PDIA3: variants seen among roughly 807,000 people sequenced by gnomAD.
PDIA3 encodes protein disulfide isomerase family A member 3.
In PDIA3, 16 loss-of-function variants were observed where a neutral mutation model predicts 56.9. The ratio of observed to expected loss-of-function variants is 0.28; its 90% confidence interval spans 0.19 to 0.43. The LOEUF (loss-of-function observed/expected upper bound fraction) is 0.43. Ranked by LOEUF, PDIA3 falls within the 20% of genes least tolerant of loss-of-function variation. PDIA3 has a pLI of 1.00. For synonymous variants in PDIA3, 192 were observed against 216.5 expected, an observed-to-expected ratio of 0.89 and a Z score of 0.99; for missense variants, 485 against 621.3, an observed-to-expected ratio of 0.78 and a Z score of 2.33.
intron 5 of PDIA3, among the ~76,000 whole-genome samples, chr15:43,764,174 G>T (rs1281729890): frequency 6.6e-6 from 1 of 152,156 alleles, no homozygotes; most frequent in Non-Finnish European, 1.5e-5. Flanking sequence ...CATTGCCAAG[G>T]TCTGATCTTT....
chr15:43,746,653 C>T lies in PDIA3; in HGVS notation c.114C>T (p.Arg38=). 2 of 1,612,970 alleles carry T rather than the reference C, an allele frequency of 1.2e-6. No individual in the cohort carries two copies. Among genetic ancestry groups the T allele is most frequent in the Non-Finnish European group, 1.7e-6 (2 of 1,179,884 alleles). Reference sequence around the variant, plus strand: ...TCACGGACGACAACTTCGAGAGTCGCATCTCCGACACGGGCTCTGCGGGCC... The same window carrying T: ...TCACGGACGACAACTTCGAGAGTCGTATCTCCGACACGGGCTCTGCGGGCC... The part of the protein sequence containing the change: ...LELTDDNFES[R]ISDTGSAGLM... Residue 38 remains arginine, a synonymous_variant, in exon 1 of 13, where the codon CGC becomes CGT. Transcript: ENST00000300289.
intron 3 of PDIA3, among the ~76,000 whole-genome samples, chr15:43,759,031 C>G (rs2086797965): frequency 1.3e-5 from 2 of 152,076 alleles, no homozygotes; most frequent in African/African-American, 4.8e-5. Flanking sequence ...TGGCTCACGT[C>G]TGTAATCCCA....
intron 1 of PDIA3, among the ~76,000 whole-genome samples, chr15:43,749,285 G>A (rs1440131293): frequency 1.4e-4 from 21 of 151,814 alleles, no homozygotes; most frequent in Non-Finnish European, 1.5e-5. Flanking sequence ...TAGAGACGGG[G>A]TTTCACCATG....
intron 9 of PDIA3, 132 bp from the exon 10 acceptor site, chr15:43,769,374 ACAATCTGTAAAT>A: frequency 1.4e-6 from 1 of 692,594 alleles, no homozygotes; most frequent in East Asian, 2.8e-5. Context: ...CATCTTTAAT[ACAATCTGTAAAT>A]GTGATTTGGG....
intron 8 of PDIA3, among the ~76,000 whole-genome samples, chr15:43,767,921 C>T (rs561382035): frequency 2.6e-5 from 4 of 152,108 alleles, no homozygotes; most frequent in African/African-American, 7.2e-5. Context: ...TTGAGGCCAG[C>T]CTGGGCAACA....
chr15:43,768,345 G>A (rs773240224), intron 8 of PDIA3, 144 bp from the exon 9 acceptor site: 95 of 585,446 alleles, frequency 1.6e-4, no homozygotes, highest in Admixed American at 1.4e-4. Context: ...TCTTCAGTCG[G>A]TAGTTCTGCA....
chr15:43,770,658 G>C, intron 12 of PDIA3, 78 bp downstream of exon 12: 2 of 975,952 alleles, frequency 2.0e-6, no homozygotes, highest in Non-Finnish European at 3.2e-6. Flanking sequence ...TCTTTAATTG[G>C]GTTTATTTAT....
chr15:43,753,854 G>C lies in PDIA3; in HGVS notation c.198G>C (p.Glu66Asp), dbSNP rs753411312. 1 of 1,613,662 alleles carries C rather than the reference G, an allele frequency of 6.2e-7. No homozygotes were observed. The highest frequency in any genetic ancestry group is 8.5e-7 in the Non-Finnish European group (1 of 1,179,712). The change falls in exon 2 of 13, where the codon GAG becomes GAC. Residue 66 changes from glutamate (E) to aspartate (D), a missense_variant. Coordinates refer to ENST00000300289, the MANE Select transcript of PDIA3 (RefSeq NM_005313.5). ...WCGHCKRLAP[E>D]YEAAATRLKG... ...GACACTGCAAGAGACTTGCACCTGA[G>C]TATGAAGCTGCAGCTACCAGATTAA...
At chr15:43,755,130 C>T (rs183561881) in intron 2 of PDIA3, among the ~76,000 whole-genome samples, 17 of 151,234 alleles carry the variant, frequency 1.1e-4, no homozygotes, top group Admixed American at 1.1e-3. Flanking sequence ...GTTCGAGACC[C>T]GCCTGGCCAA....
chr15:43,768,709 G>C, intron 9 of PDIA3, 112 bp downstream of exon 9: 1 of 681,960 alleles, frequency 1.5e-6, no homozygotes. Flanking sequence ...TTTTTTTTTT[G>C]TCCTTACTCC....
intron 10 of PDIA3, 101 bp downstream of exon 10, chr15:43,769,747 A>C (rs1051717034): frequency 3.8e-6 from 5 of 1,302,858 alleles, no homozygotes; most frequent in Non-Finnish European, 5.4e-6. Flanking sequence ...AAGTACTGAT[A>C]GATTTTTTTC....
chr15:43,773,156 C>T lies in PDIA3; in HGVS notation c.*1938C>T. ...CTTTTCCTCAAACTCCAGGATGAGA[C>T]CTTTAATGTGGGACAATTTCTGGTG... On this transcript the variant is annotated 3_prime_UTR_variant, in exon 13 of 13. Transcript: ENST00000300289. The T allele has an allele frequency of 6.2e-7, 1 of 1,613,728 alleles. No individual in the cohort carries two copies. Among genetic ancestry groups the T allele is most frequent in the Non-Finnish European group, 8.5e-7 (1 of 1,179,932 alleles).
chr15:43,761,311 G>A (rs2086814634), intron 3 of PDIA3, 113 bp from the exon 4 acceptor site: 1 of 501,704 alleles, frequency 2.0e-6, no homozygotes, highest in African/African-American at 2.0e-5. Context: ...AGGGTGGCAA[G>A]AAGATTTCAT....
At position 43,771,803 on chromosome 15, in the gene PDIA3, A is replaced by T; in HGVS notation, c.*585A>T. 2.5e-6 allele frequency: 1 copy of T among 396,508 alleles called. No individual in the cohort carries two copies. The highest frequency in any genetic ancestry group is 4.4e-6 in the Non-Finnish European group (1 of 225,306). 24.6% of individuals were successfully genotyped at this position (396,508 alleles called of 1,614,324 possible). A position where few individuals can be genotyped will look rare whatever the true frequency, so the allele number is the denominator to read the frequency against. The stretch of plus-strand genomic sequence containing the variant: ...CCTCAAAATTCTTTCAAAATTTATT[A>T]TCTCTTTCTCTCCTTACATGTTTAT... On this transcript the variant is annotated 3_prime_UTR_variant, in exon 13 of 13. Coordinates refer to ENST00000300289, the MANE Select transcript of PDIA3 (RefSeq NM_005313.5).
chr15:43,752,661 A>G (rs28595038), intron 1 of PDIA3: 1 of 406,878 alleles, frequency 2.5e-6, no homozygotes, highest in African/African-American at 2.1e-5. Context: ...AAGCTGTTAT[A>G]ATCCTTTATT....
intron 2 of PDIA3, among the ~76,000 whole-genome samples, chr15:43,754,178 G>A (rs559618731): frequency 3.9e-5 from 6 of 151,928 alleles, no homozygotes; most frequent in South Asian, 2.1e-4. Flanking sequence ...GGTGGATCAC[G>A]AAGTCAAGAG....
chr15:43,767,013 C>G lies in PDIA3; in HGVS notation c.1028+103C>G, dbSNP rs2086851341. ...ATAACCCTGGAATGTGAAGATAGGT[C>G]TTTTAATCAAGACCTATGACTGTCA... On this transcript the variant is annotated intron_variant, in intron 8 of 12. Coordinates refer to ENST00000300289, the MANE Select transcript of PDIA3 (RefSeq NM_005313.5). 3 of 1,057,084 alleles carry G rather than the reference C, an allele frequency of 2.8e-6. No homozygotes were observed. In the Admixed American group the frequency reaches 5.8e-5, roughly 21 times the overall value. 65.5% of individuals were successfully genotyped at this position (1,057,084 alleles called of 1,614,324 possible).
intron 2 of PDIA3, among the ~76,000 whole-genome samples, chr15:43,755,708 G>A (rs2086774476): frequency 6.6e-6 from 1 of 152,140 alleles, no homozygotes; most frequent in African/African-American, 2.4e-5. Context: ...GAGGTCTGGA[G>A]TTCAAGACCA....
intron 7 of PDIA3, 44 bp downstream of exon 7, chr15:43,766,056 T>C (rs1337493523): frequency 4.4e-6 from 7 of 1,576,194 alleles, no homozygotes; most frequent in Non-Finnish European, 6.1e-6. Flanking sequence ...GTTTACCCAA[T>C]GTATAGACAG....
Sources: allele counts gnomAD v4.1 joint callset (sites outside exome capture counted in the v4.1 genomes callset), GRCh38; gene constraint gnomAD v4.1.1; transcripts MANE v1.5; gene names NCBI Gene and HGNC (gene_info 2026-07-23, HGNC 2026-07-21).